Variants in SMG9 observed in about 807,000 individuals in gnomAD.
SMG9 encodes nonsense-mediated mRNA decay factor SMG9.
SMG9 carries 55 observed loss-of-function variants against 64.0 expected under a neutral mutation model. That is an observed-to-expected ratio of 0.86 (90% CI 0.69 to 1.08). The LOEUF is 1.08. Among genes scored for constraint, SMG9 ranks in the 50% least tolerant of loss-of-function variants. The probability of loss-of-function intolerance (pLI) is 0.00; values close to 1 mark genes in which losing one functional copy is unlikely to be tolerated. For synonymous variants in SMG9, 244 were observed against 254.8 expected (o/e 0.96, Z 0.41); for missense variants, 554 against 681.3 (o/e 0.81, Z 2.08).
chr19:43,748,037 T>C lies in SMG9; in HGVS notation c.166A>G (p.Thr56Ala), dbSNP rs1213856875. The change falls in exon 3 of 14, where the codon ACA becomes GCA. Residue 56 changes from threonine (T) to alanine (A), a missense_variant. Physicochemically the swap from Thr to Ala is moderately conservative, Grantham distance 58. Transcript: ENST00000270066. Reference sequence around the variant, plus strand: ...GTTTTCTGCATGACGGAAGTGCTTGTCTCTTCGCTGGCATCCTGTGGTGAG... The same window carrying C: ...GTTTTCTGCATGACGGAAGTGCTTGCCTCTTCGCTGGCATCCTGTGGTGAG... ...ERERRDASEE[T>A]STSVMQKTPI... The C allele has an allele frequency of 3.1e-6, 5 of 1,610,946 alleles. No homozygotes were observed. Among genetic ancestry groups the C allele is most frequent in the Non-Finnish European group, 3.4e-6 (4 of 1,178,504 alleles).
At chr19:43,738,575 AT>A (rs763543932) in intron 7 of SMG9, among the ~76,000 whole-genome samples, 3 of 152,120 alleles carry the variant, frequency 2.0e-5, no homozygotes, top group Non-Finnish European at 2.9e-5. Flanking sequence ...AAAAAAAAAA[AT>A]AATTAGTGTG....
chr19:43,734,500 G>C lies in SMG9; in HGVS notation c.996-5C>G, dbSNP rs779436941. 5 of 1,550,360 alleles carry C rather than the reference G, an allele frequency of 3.2e-6. No homozygotes were observed. The highest frequency in any genetic ancestry group is 4.4e-6 in the Non-Finnish European group (5 of 1,145,430). On this transcript the variant is annotated splice_region_variant and splice_polypyrimidine_tract_variant and intron_variant, in intron 9 of 13. Transcript: ENST00000270066. ...ATCTCTGCTGTCTGCAGGAACCTTG[G>C]GGTTTGGGGTGAGTGGCTGTTGCTC...
chr19:43,735,490 C>T (rs1043132907), intron 9 of SMG9, among the ~76,000 whole-genome samples: 9 of 151,890 alleles, frequency 5.9e-5, no homozygotes, highest in African/African-American at 2.2e-4. Context: ...TGGTGGCACA[C>T]ACCTGTAGTC....
intron 7 of SMG9, among the ~76,000 whole-genome samples, 153 bp from the exon 8 acceptor site, chr19:43,738,370 T>C (rs1968742212): frequency 6.6e-6 from 1 of 152,120 alleles, no homozygotes; most frequent in Non-Finnish European, 1.5e-5. Flanking sequence ...GAAAAAAAAC[T>C]CAAAGCTGAT....
chr19:43,737,752 C>T (rs1968719641), intron 8 of SMG9, 70 bp from the exon 9 acceptor site: 3 of 1,478,936 alleles, frequency 2.0e-6, no homozygotes, highest in Non-Finnish European at 1.9e-6. Flanking sequence ...TCCCTGATCC[C>T]AGGACTCAGT....
At chr19:43,741,814 T>C (rs1968853964) in intron 6 of SMG9, among the ~76,000 whole-genome samples, 1 of 151,906 alleles carries the variant, frequency 6.6e-6, no homozygotes, top group African/African-American at 2.4e-5. Flanking sequence ...AACTATAACC[T>C]AGTCTGGGCA....
Position 43,733,666 on chromosome 19 carries a change from C to T in SMG9, c.1170G>A (p.Met390Ile). ...CPRKLRQMHLMIDQLMAHSHL... is the reference protein window; with the variant it reads ...CPRKLRQMHLIIDQLMAHSHL... The stretch of plus-strand genomic sequence containing the variant: ...GGGAGTGGGCCATGAGCTGGTCAAT[C>T]ATCAGGTGCATCTGCCGCAGCTTCC... Residue 390 changes from methionine (M) to isoleucine (I), a missense_variant, in exon 11 of 14, where the codon ATG becomes ATA. Met to Ile is a conservative substitution (Grantham distance 10, BLOSUM62 1). Coordinates refer to ENST00000270066, the MANE Select transcript of SMG9 (RefSeq NM_019108.4). The T allele has an allele frequency of 1.2e-6, 2 of 1,614,106 alleles. No individual in the cohort carries two copies. Among genetic ancestry groups the T allele is most frequent in the South Asian group, 1.1e-5 (1 of 91,084 alleles).
At position 43,747,375 on chromosome 19, in the gene SMG9, C is replaced by T. The variant is rs528921145; in HGVS notation, c.588+67G>A. ...AAACCCTCCAGTCTGGTGTTGCCTA[C>T]AGAGAGGTGGAAGATCAGAGGATGC... On this transcript the variant is annotated intron_variant, in intron 5 of 13. Coordinates refer to ENST00000270066, the MANE Select transcript of SMG9 (RefSeq NM_019108.4). 2.4e-5 allele frequency: 36 copies of T among 1,521,472 alleles called. No individual in the cohort carries two copies. In the South Asian group the frequency reaches 4.1e-4, roughly 17 times the overall value. 94.2% of individuals were successfully genotyped at this position (1,521,472 alleles called of 1,614,324 possible).
At chr19:43,732,228 C>G (rs1968508936) in intron 13 of SMG9, 1 of 158,916 alleles carries the variant, frequency 6.3e-6, no homozygotes, top group South Asian at 1.8e-4. Flanking sequence ...GTTAGAGAGG[C>G]TGCACCCAGT....
intron 6 of SMG9, among the ~76,000 whole-genome samples, 180 bp from the exon 7 acceptor site, chr19:43,740,398 C>G (rs534142637): frequency 6.6e-6 from 1 of 152,168 alleles, no homozygotes; most frequent in East Asian, 1.9e-4. Flanking sequence ...TTGAAGCACA[C>G]AATTTCACTC....
In SMG9 at chr19:43,739,222, G is replaced by C. The variant is rs1034330205; in HGVS notation, c.813+885C>G. ...AAGAAGGCGTTAGCCAGGCAAAAAC[G>C]CAAGGCGAGAGCCTATTGTACTGAT... On this transcript the variant is annotated intron_variant, in intron 7 of 13. Coordinates refer to ENST00000270066, the MANE Select transcript of SMG9 (RefSeq NM_019108.4). Among the ~76,000 whole-genome samples the C allele has an allele frequency of 2.0e-5, 3 of 152,350 alleles. No homozygotes were observed. The East Asian group carries it at 5.8e-4, about 29-fold the overall frequency.
chr19:43,740,054 G>A (rs772103379), intron 7 of SMG9, 53 bp downstream of exon 7: 1 of 1,204,776 alleles, frequency 8.3e-7, no homozygotes, highest in South Asian at 1.2e-5. Context: ...ATTCCAGGAA[G>A]AGGCTCAATG....
chr19:43,739,889 T>A, intron 7 of SMG9: 1 of 566,838 alleles, frequency 1.8e-6, no homozygotes, highest in Non-Finnish European at 3.2e-6. Flanking sequence ...ATACTAGAAA[T>A]CCTTTAGGCT....
At chr19:43,738,382 C>T (rs949344819) in intron 7 of SMG9, among the ~76,000 whole-genome samples, 165 bp from the exon 8 acceptor site, 1 of 152,150 alleles carries the variant, frequency 6.6e-6, no homozygotes, top group Non-Finnish European at 1.5e-5. Flanking sequence ...AAAGCTGATA[C>T]ACTTTTCCAG....
rs375481761 is a variant in SMG9 at position 43,731,658 on chromosome 19, G to A, written c.1501C>T (p.Arg501Trp). ...TEKNWFHYAARIWDGVRKSSA... is the reference protein window; with the variant it reads ...TEKNWFHYAAWIWDGVRKSSA... The stretch of plus-strand genomic sequence containing the variant: ...GACTTTCTCACCCCATCCCAGATCC[G>A]GGCAGCGTAGTGGAACCTGTGAGGA... Residue 501 changes from arginine to tryptophan, a missense_variant, in exon 14 of 14, where the codon CGG (arginine) becomes TGG (tryptophan). Physicochemically the swap from Arg to Trp is moderately radical, Grantham distance 101. Transcript: ENST00000270066. 9 of 1,614,102 alleles carry A rather than the reference G, an allele frequency of 5.6e-6. No homozygotes were observed. Among genetic ancestry groups the A allele is most frequent in the South Asian group, 1.1e-5 (1 of 91,086 alleles).
intron 6 of SMG9, among the ~76,000 whole-genome samples, chr19:43,742,758 G>A (rs1446825158): frequency 6.6e-6 from 1 of 152,100 alleles, no homozygotes; most frequent in Admixed American, 6.6e-5. Context: ...CTAAGGAGGT[G>A]GGAGTGAAGG....
At chr19:43,741,285 T>C (rs938893969) in intron 6 of SMG9, among the ~76,000 whole-genome samples, 1 of 151,088 alleles carries the variant, frequency 6.6e-6, no homozygotes, top group African/African-American at 2.4e-5. Context: ...AAAGAGGGAG[T>C]TAATTGGCAC....
At chr19:43,743,062 G>T (rs113531600) in intron 6 of SMG9, among the ~76,000 whole-genome samples, 4 of 151,250 alleles carry the variant, frequency 2.6e-5, no homozygotes, top group Admixed American at 2.6e-4. Flanking sequence ...GTGACAGAGC[G>T]AGACTGTCTC....
At position 43,728,757 on chromosome 19, in the gene SMG9, C is replaced by T. The variant is rs1968378456; in HGVS notation, c.*2839G>A. On this transcript the variant is annotated 3_prime_UTR_variant, in exon 14 of 14. Transcript: ENST00000270066. The stretch of plus-strand genomic sequence containing the variant: ...CTGCGCTCATGACAGGCGCTTGAGC[C>T]CAGGCAGCTGCCAGCACAACATGGC... 6.4e-6 allele frequency: 1 copy of T among 155,538 alleles called. No individual in the cohort carries two copies. The highest frequency in any genetic ancestry group is 1.4e-5 in the Non-Finnish European group (1 of 71,054). 9.6% of individuals were successfully genotyped at this position (155,538 alleles called of 1,614,324 possible).
Sources: gnomAD v4.1 joint callset for allele counts (sites outside exome capture counted in the v4.1 genomes callset) on GRCh38, gnomAD v4.1.1 for gene constraint, MANE v1.5 for transcripts, NCBI Gene and HGNC (gene_info 2026-07-23, HGNC 2026-07-21) for gene names.